NFIC: variants seen among roughly 807,000 people sequenced by gnomAD.
The protein encoded by NFIC is nuclear factor I C.
NFIC carries 12 observed loss-of-function variants against 54.4 expected under a neutral mutation model. The observed-to-expected ratio is 0.22, with a 90% CI of 0.14 to 0.36. The LOEUF is 0.36. NFIC is among the 10% of genes least tolerant of loss of function. The probability of loss-of-function intolerance (pLI) is 1.00; values close to 1 mark genes in which losing one functional copy is unlikely to be tolerated. For missense variants in NFIC, 575 were observed against 718.2 expected (o/e 0.80, Z 2.28); for synonymous variants, 322 against 319.2 (o/e 1.01, Z -0.09).
intron 5 of NFIC, 90 bp from the exon 6 acceptor site, chr19:3,434,993 C>T (rs780305093): frequency 1.4e-6 from 2 of 1,452,964 alleles, no homozygotes; most frequent in Non-Finnish European, 1.8e-6. Context: ...CCCCCGCTCA[C>T]TTAAGGACCG....
At chr19:3,444,150 C>T (rs1418804245) in intron 6 of NFIC, among the ~76,000 whole-genome samples, 2 of 122,746 alleles carry the variant, frequency 1.6e-5, no homozygotes, top group South Asian at 2.5e-4. Flanking sequence ...ATGGCTGCTC[C>T]GACGGGGTGA....
rs1381593469 is a variant in NFIC, at chr19:3,456,927, C to T, written c.1509+292C>T. ...TACAGCTATGGGACCAGTGTCATTA[C>T]CACCTGCTTCCCATGGTATAGATGG... On this transcript the variant is annotated intron_variant, in intron 10 of 10. Transcript: ENST00000443272. The T allele has an allele frequency of 1.9e-5, 9 of 474,914 alleles. No individual in the cohort carries two copies. In the East Asian group the frequency reaches 2.0e-4, roughly 11 times the overall value. The allele number at this position is 474,914 out of a possible 1,614,324, so 29.4% of individuals were successfully genotyped here. A position where few individuals can be genotyped will look rare whatever the true frequency, so the allele number is the denominator to read the frequency against.
chr19:3,445,928 GGGACATCCGT>G (rs955653680), intron 6 of NFIC, among the ~76,000 whole-genome samples: 77 of 152,292 alleles, frequency 5.1e-4, no homozygotes, highest in Non-Finnish European at 9.1e-4. Context: ...GTCACATCTG[GGGACATCCGT>G]GGTTGTCCCC....
At chr19:3,462,716 C>T in intron 10 of NFIC, 36 bp from the exon 11 acceptor site, 1 of 1,611,366 alleles carries the variant, frequency 6.2e-7, no homozygotes. Flanking sequence ...CTCCCTTTTT[C>T]TCTCTCCCTC....
chr19:3,435,188 G>C lies in NFIC; in HGVS notation c.939G>C (p.Trp313Cys), dbSNP rs1190394823. ...CGCCCACGAGTAGCAGCCGCAACTG[G>C]ACGGAGGACATGGAAGGAGGTAGGG... ...PSSPTSSSRN[W>C]TEDMEGGISS... Residue 313 changes from tryptophan (W) to cysteine (C), a missense_variant, in exon 6 of 11, where the codon TGG (tryptophan) becomes TGC (cysteine). Coordinates refer to ENST00000443272, the MANE Select transcript of NFIC (RefSeq NM_001245002.2). 6.2e-7 allele frequency: 1 copy of C among 1,604,860 alleles called. No homozygotes were observed. The highest frequency in any genetic ancestry group is 2.2e-5 in the East Asian group (1 of 44,524).
chr19:3,462,833 G>A lies in NFIC; in HGVS notation c.*64G>A, dbSNP rs1373284597. The A allele has an allele frequency of 1.9e-6, 3 of 1,610,354 alleles. No homozygotes were observed. Among genetic ancestry groups the A allele is most frequent in the Non-Finnish European group, 1.7e-6 (2 of 1,178,968 alleles). On this transcript the variant is annotated 3_prime_UTR_variant, in exon 11 of 11. Transcript: ENST00000443272. ...GGAATCCCAGGGGGCAGCACAGCCG[G>A]CCCCCGGCCCACGTTTTCGGTGGAA...
rs1201220851 is a variant in NFIC, at chr19:3,359,826, G to C, written c.3+141G>C. On this transcript the variant is annotated intron_variant, in intron 1 of 9. Coordinates refer to the NFIC transcript ENST00000395111. ...GGGCTCGAGGCGGGGACCCCCACTC[G>C]CCAGTCGCCACGGGACCCCTACCCA... 14 of 886,300 alleles carry C rather than the reference G, an allele frequency of 1.6e-5. No individual in the cohort carries two copies. In the Admixed American group the frequency reaches 5.9e-4, roughly 37 times the overall value. The allele number at this position is 886,300 out of a possible 1,614,324, so 54.9% of individuals were successfully genotyped here.
At chr19:3,400,273 A>G (rs1322846913) in intron 2 of NFIC, among the ~76,000 whole-genome samples, 4 of 152,164 alleles carry the variant, frequency 2.6e-5, no homozygotes, top group Non-Finnish European at 5.9e-5. Flanking sequence ...CAGGAGATCG[A>G]GACCATCCTG....
chr19:3,367,136 C>T (rs1008098122), intron 1 of NFIC, among the ~76,000 whole-genome samples: 5 of 152,146 alleles, frequency 3.3e-5, no homozygotes, highest in African/African-American at 9.6e-5. Context: ...AAAGGGACCT[C>T]TCATGTGTTT....
chr19:3,428,341 C>T (rs375261498), intron 3 of NFIC, among the ~76,000 whole-genome samples: 5 of 150,482 alleles, frequency 3.3e-5, no homozygotes, highest in South Asian at 2.1e-4. Context: ...TAGGAGGACA[C>T]GGGAGGCTGA....
chr19:3,379,173 C>G (rs1250385249), intron 1 of NFIC, among the ~76,000 whole-genome samples: 1 of 152,162 alleles, frequency 6.6e-6, no homozygotes, highest in Non-Finnish European at 1.5e-5. Context: ...AATTCTCCTG[C>G]CTCAGCCTCC....
At chr19:3,379,565 C>T (rs112347190) in intron 1 of NFIC, among the ~76,000 whole-genome samples, 17,776 of 151,688 alleles carry the variant, frequency 0.12, 1,110 homozygotes, top group African/African-American at 0.17. Context: ...AGGCTGGTGT[C>T]AAGCTCTTGA....
chr19:3,408,822 G>A (rs12460094), intron 2 of NFIC, among the ~76,000 whole-genome samples: 62,248 of 151,902 alleles, frequency 0.41, 15,724 homozygotes, highest in Non-Finnish European at 0.56. Flanking sequence ...GGTTGGTCTC[G>A]AACTCCTGAC....
chr19:3,432,784 C>T (rs992041074), intron 3 of NFIC, among the ~76,000 whole-genome samples: 7 of 151,640 alleles, frequency 4.6e-5, no homozygotes, highest in Non-Finnish European at 8.8e-5. Flanking sequence ...ACACCATTCT[C>T]CTGCCTCAGC....
chr19:3,387,429 G>A (rs1459242613), intron 2 of NFIC, among the ~76,000 whole-genome samples: 1 of 152,166 alleles, frequency 6.6e-6, no homozygotes, highest in Non-Finnish European at 1.5e-5. Context: ...TGGAACCCGG[G>A]AGGTTGCAGT....
chr19:3,376,509 G>A (rs1309977769), intron 1 of NFIC, among the ~76,000 whole-genome samples: 2 of 150,722 alleles, frequency 1.3e-5, no homozygotes, highest in African/African-American at 4.9e-5. Context: ...GAGGTGGGAG[G>A]ATCACTTGAG....
Position 3,469,134 on chromosome 19 carries a change from TA to T in NFIC, c.*6369del, listed in dbSNP as rs1300170693. The stretch of plus-strand genomic sequence containing the variant: ...TGAAAATGAAAAAAGGGGGATTCCA[TA>T]AAAGATTCAATAAAAGACAAACAAA... On this transcript the variant is annotated 3_prime_UTR_variant, in exon 11 of 11. Coordinates refer to ENST00000443272, the MANE Select transcript of NFIC (RefSeq NM_001245002.2). 2.4e-4 allele frequency: 35 copies of T among 147,858 alleles called. No individual in the cohort carries two copies. The highest frequency in any genetic ancestry group is 4.9e-4 in the Non-Finnish European group (33 of 66,922). The allele number at this position is 147,858 out of a possible 1,614,324, so 9.2% of individuals were successfully genotyped here. A position where few individuals can be genotyped will look rare whatever the true frequency, so the allele number is the denominator to read the frequency against.
chr19:3,436,560 T>G (rs2082207336), intron 6 of NFIC, among the ~76,000 whole-genome samples: 1 of 150,960 alleles, frequency 6.6e-6, no homozygotes, highest in Non-Finnish European at 1.5e-5. Flanking sequence ...ACTGCAACCC[T>G]TCCTCCTGAG....
At chr19:3,394,329 A>C (rs2081423100) in intron 2 of NFIC, among the ~76,000 whole-genome samples, 1 of 151,748 alleles carries the variant, frequency 6.6e-6, no homozygotes, top group African/African-American at 2.4e-5. Flanking sequence ...AAAATTAAAA[A>C]ATTAGCCAGG....
Sources: gnomAD v4.1 joint callset for allele counts (sites outside exome capture counted in the v4.1 genomes callset) on GRCh38, gnomAD v4.1.1 for gene constraint, MANE v1.5 for transcripts, NCBI Gene and HGNC (gene_info 2026-07-23, HGNC 2026-07-21) for gene names.